The following SLC14A2 variants were observed in gnomAD, a reference collection of about 807,000 sequenced individuals.
SLC14A2 encodes solute carrier family 14 member 2, also known as urea transporter 2.
SLC14A2 carries 91 observed loss-of-function variants against 104.6 expected under a neutral mutation model. The observed-to-expected ratio is 0.87, with a 90% CI of 0.73 to 1.04. The LOEUF (loss-of-function observed/expected upper bound fraction) is 1.04. Among genes scored for constraint, SLC14A2 ranks in the 50% least tolerant of loss-of-function variants. SLC14A2 has a pLI of 0.00. For synonymous variants in SLC14A2, 476 were observed against 466.4 expected (o/e 1.02, Z -0.27); for missense variants, 1,189 against 1,156.0 (o/e 1.03, Z -0.41).
intron 1 of SLC14A2, among the ~76,000 whole-genome samples, chr18:45,445,157 G>A (rs1198297664): frequency 7.2e-6 from 1 of 139,088 alleles, no homozygotes; most frequent in East Asian, 2.1e-4. Context: ...TGTTCCCCAG[G>A]CTGAAGTGCA....
intron 1 of SLC14A2, among the ~76,000 whole-genome samples, chr18:45,251,060 A>C (rs1334304755): frequency 1.3e-5 from 2 of 152,168 alleles, no homozygotes; most frequent in East Asian, 3.8e-4. Flanking sequence ...GTTTTGGGGA[A>C]CAGTTAAAGT....
intron 1 of SLC14A2, among the ~76,000 whole-genome samples, chr18:45,481,058 A>G (rs2087483518): frequency 6.6e-6 from 1 of 152,140 alleles, no homozygotes; most frequent in African/African-American, 2.4e-5. Flanking sequence ...CAGGGTTGTC[A>G]GACAGGCTAA....
At chr18:45,391,615 A>T (rs973884432) in intron 1 of SLC14A2, among the ~76,000 whole-genome samples, 1 of 152,156 alleles carries the variant, frequency 6.6e-6, no homozygotes, top group Non-Finnish European at 1.5e-5. Context: ...AATGATCACC[A>T]TTCTAACTGG....
At chr18:45,346,415 C>T (rs1347875781) in intron 1 of SLC14A2, among the ~76,000 whole-genome samples, 1 of 152,162 alleles carries the variant, frequency 6.6e-6, no homozygotes, top group Non-Finnish European at 1.5e-5. Context: ...CCTCGGCCTC[C>T]CAAAGTGCTG....
intron 1 of SLC14A2, among the ~76,000 whole-genome samples, chr18:45,457,018 T>C (rs971133802): frequency 3.3e-5 from 5 of 152,074 alleles, no homozygotes; most frequent in Non-Finnish European, 5.9e-5. Context: ...CCTGGAGACC[T>C]CAGGGCTGCC....
chr18:45,368,142 C>T (rs964547493), intron 1 of SLC14A2, among the ~76,000 whole-genome samples: 4 of 151,978 alleles, frequency 2.6e-5, no homozygotes, highest in African/African-American at 9.7e-5. Flanking sequence ...TGATGTTTTC[C>T]CTTTACCTAA....
At chr18:45,679,125 C>T in intron 19 of SLC14A2, 101 bp downstream of exon 19, 1 of 1,043,826 alleles carries the variant, frequency 9.6e-7, no homozygotes, top group Non-Finnish European at 1.5e-6. Flanking sequence ...AGAACTCTTC[C>T]CCAGTTCATC....
chr18:45,371,600 T>C (rs2085723240), intron 1 of SLC14A2, among the ~76,000 whole-genome samples: 1 of 152,242 alleles, frequency 6.6e-6, no homozygotes, highest in African/African-American at 2.4e-5. Context: ...GCAGAGCCTG[T>C]ATACAAACGT....
At chr18:45,505,614 T>C (rs1439320547) in intron 2 of SLC14A2, among the ~76,000 whole-genome samples, 1 of 152,182 alleles carries the variant, frequency 6.6e-6, no homozygotes, top group Non-Finnish European at 1.5e-5. Context: ...TTACGTGGCA[T>C]CTGGGACATG....
the SLC14A2 span, among the ~76,000 whole-genome samples, chr18:45,190,812 G>A: frequency 4.6e-5 from 7 of 152,246 alleles, no homozygotes; most frequent in Non-Finnish European, 8.8e-5. Context: ...CATATTACAG[G>A]TGAGAAAACT....
chr18:45,678,470 C>T (rs1188763186), intron 18 of SLC14A2, among the ~76,000 whole-genome samples: 2 of 152,052 alleles, frequency 1.3e-5, no homozygotes, highest in Non-Finnish European at 2.9e-5. Context: ...GTTGCCAGCA[C>T]TGGGCTCATT....
rs1215937223 is a variant in SLC14A2 at position 45,663,716 on chromosome 18, C to T, written c.1352-69C>T. ...CCAGCATCTGTGTGATTTTTCCCAG[C>T]TCTCTGCTTGGCTCTCTCAGGTGCG... On this transcript the variant is annotated intron_variant, in intron 10 of 19. Coordinates refer to ENST00000255226, the MANE Select transcript of SLC14A2 (RefSeq NM_007163.4). The T allele has an allele frequency of 5.8e-6, 9 of 1,549,760 alleles. No individual in the cohort carries two copies. In the African/African-American group the frequency reaches 1.1e-4, roughly 19 times the overall value.
At chr18:45,421,755 C>T (rs1475321092) in intron 1 of SLC14A2, among the ~76,000 whole-genome samples, 4 of 152,188 alleles carry the variant, frequency 2.6e-5, no homozygotes, top group Non-Finnish European at 5.9e-5. Context: ...ACCTACACGA[C>T]CTCTGAAGGC....
chr18:45,185,557 A>G, the SLC14A2 span, among the ~76,000 whole-genome samples: 10 of 152,340 alleles, frequency 6.6e-5, no homozygotes, highest in Non-Finnish European at 1.3e-4. Context: ...GGTGAACCAT[A>G]GAATGTTATC....
chr18:45,368,371 C>A (rs1433701818), intron 1 of SLC14A2, among the ~76,000 whole-genome samples: 1 of 152,116 alleles, frequency 6.6e-6, no homozygotes, highest in Non-Finnish European at 1.5e-5. Context: ...ACATCCATAG[C>A]CTTGCACACC....
intron 19 of SLC14A2, among the ~76,000 whole-genome samples, chr18:45,679,564 C>T (rs926694132): frequency 1.3e-5 from 2 of 152,184 alleles, no homozygotes; most frequent in African/African-American, 4.8e-5. Context: ...CATGCTGGCC[C>T]CCAACCCCAG....
chr18:45,284,740 G>A (rs539566708), intron 1 of SLC14A2, among the ~76,000 whole-genome samples: 9 of 152,184 alleles, frequency 5.9e-5, no homozygotes, highest in Non-Finnish European at 1.0e-4. Flanking sequence ...GAAAGGGCTG[G>A]AGGAGATGGT....
At chr18:45,475,780 T>C (rs367932673) in intron 1 of SLC14A2, among the ~76,000 whole-genome samples, 2 of 150,804 alleles carry the variant, frequency 1.3e-5, no homozygotes, top group East Asian at 1.9e-4. Context: ...AAAGTCTGTT[T>C]TATCAGAGAC....
intron 1 of SLC14A2, among the ~76,000 whole-genome samples, chr18:45,400,021 G>A (rs1014939634): frequency 6.6e-6 from 1 of 152,104 alleles, no homozygotes; most frequent in East Asian, 1.9e-4. Context: ...CTTGTCACTG[G>A]CAATTGTTAA....
Sources: gnomAD v4.1 joint callset for allele counts (sites outside exome capture counted in the v4.1 genomes callset) on GRCh38, gnomAD v4.1.1 for gene constraint, MANE v1.5 for transcripts, NCBI Gene and HGNC (gene_info 2026-07-23, HGNC 2026-07-21) for gene names.